CASP5: variants seen among roughly 807,000 people sequenced by gnomAD.
The protein encoded by CASP5 is caspase 5, also known as caspase-5.
CASP5 carries 42 observed loss-of-function variants against 45.2 expected under a neutral mutation model. The ratio of observed to expected loss-of-function variants is 0.93; its 90% CI spans 0.73 to 1.20. The LOEUF (loss-of-function observed/expected upper bound fraction) is 1.20. Ranked by LOEUF, CASP5 falls within the 50% of genes most tolerant of loss-of-function variation. CASP5 has a pLI of 0.00. For synonymous variants in CASP5, 209 were observed against 186.2 expected (o/e 1.12, Z -1.00); for missense variants, 512 against 532.2 (o/e 0.96, Z 0.37).
At chr11:105,014,396 T>C (rs563497275) in intron 1 of CASP5, among the ~76,000 whole-genome samples, 1 of 152,290 alleles carries the variant, frequency 6.6e-6, no homozygotes, top group South Asian at 2.1e-4. Flanking sequence ...AGCATAGTTT[T>C]TTACCTTTAA....
At chr11:105,010,342 A>G (rs1354299967) in intron 1 of CASP5, among the ~76,000 whole-genome samples, 6 of 145,046 alleles carry the variant, frequency 4.1e-5, no homozygotes, top group Admixed American at 4.1e-4. Flanking sequence ...TTATATCATG[A>G]GTAATTATCA....
chr11:105,020,710 A>T (rs1362123049), intron 1 of CASP5, among the ~76,000 whole-genome samples: 1 of 152,210 alleles, frequency 6.6e-6, no homozygotes, highest in Non-Finnish European at 1.5e-5. Flanking sequence ...AAGAATCAAT[A>T]TCGTGAAAAA....
At chr11:105,001,158 C>A (rs1212998304) in intron 5 of CASP5, among the ~76,000 whole-genome samples, 1 of 152,192 alleles carries the variant, frequency 6.6e-6, no homozygotes, top group Non-Finnish European at 1.5e-5. Context: ...CTCATGTTTC[C>A]TTTTTGCTTA....
rs766695928 is a variant in CASP5, at chr11:105,007,120, T to C, written c.396A>G (p.Thr132=). The change falls in exon 3 of 10, where the codon ACA becomes ACG. Residue 132 remains threonine, a synonymous_variant. Coordinates refer to ENST00000260315, the MANE Select transcript of CASP5 (RefSeq NM_004347.5). The part of the protein sequence containing the change: ...NRVAHQMFTQ[T]LLNMDQKITS... ...TGATCTTTTGGTCCATATTGAGAAG[T>C]GTTTGGGTAAACATTTGATGAGCCA... 1 of 1,613,754 alleles carries C rather than the reference T, an allele frequency of 6.2e-7. No homozygotes were observed. The highest frequency in any genetic ancestry group is 8.5e-7 in the Non-Finnish European group (1 of 1,179,700).
intron 3 of CASP5, among the ~76,000 whole-genome samples, chr11:105,006,445 T>G (rs1423276686): frequency 1.3e-5 from 2 of 152,232 alleles, no homozygotes; most frequent in African/African-American, 4.8e-5. Flanking sequence ...ACTTGGTGCA[T>G]GTTACTTCTT....
intron 5 of CASP5, 135 bp downstream of exon 5, chr11:105,001,893 C>T: frequency 1.4e-6 from 1 of 711,696 alleles, no homozygotes; most frequent in Non-Finnish European, 2.3e-6. Context: ...TGCATGTGCG[C>T]ATGTACACAC....
At chr11:104,996,160 A>G (rs45447701) in intron 8 of CASP5, among the ~76,000 whole-genome samples, 2,128 of 152,266 alleles carry the variant, frequency 0.014, 18 homozygotes, top group Non-Finnish European at 0.024. Flanking sequence ...TGAGAACTGG[A>G]TATGGAAGAT....
At chr11:105,011,663 A>T (rs539045395) in intron 1 of CASP5, among the ~76,000 whole-genome samples, 22 of 151,860 alleles carry the variant, frequency 1.4e-4, no homozygotes, top group African/African-American at 5.1e-4. Flanking sequence ...CAAACTAAAA[A>T]ATTGGATGAT....
chr11:105,000,365 G>A lies in CASP5; in HGVS notation c.848C>T (p.Pro283Leu), dbSNP rs747739557. Residue 283 changes from proline to leucine, a missense_variant, in exon 6 of 10, where the codon CCG becomes CTG. Transcript: ENST00000260315. ...GATGGTGTCATAAAGCAGCACATCCGGTTTTTTCTTTTTATGCGCAGTTCC... is the reference window on the plus strand; with the variant it reads ...GATGGTGTCATAAAGCAGCACATCCAGTTTTTTCTTTTTATGCGCAGTTCC... Reference protein sequence around the residue: ...ICGTAHKKKKPDVLLYDTIFQ... With the variant: ...ICGTAHKKKKLDVLLYDTIFQ... 2 of 1,614,116 alleles carry A rather than the reference G, an allele frequency of 1.2e-6. No homozygotes were observed. The highest frequency in any genetic ancestry group is 2.2e-5 in the East Asian group (1 of 44,890).
rs986426940 is a variant in CASP5 at position 105,014,795 on chromosome 11, G to A, written c.8-5815C>T. Among the ~76,000 whole-genome samples, 5 of 152,156 alleles carry A rather than the reference G, an allele frequency of 3.3e-5. 1 individual carries two copies. The highest frequency in any genetic ancestry group is 4.1e-4 in the South Asian group (2 of 4,826). On this transcript the variant is annotated intron_variant, in intron 1 of 9. Coordinates refer to ENST00000260315, the MANE Select transcript of CASP5 (RefSeq NM_004347.5). ...AAGCTTACAGTCAAGTGGAAAGATA[G>A]ATATGCAAATACATCAAATAAAAAA...
intron 1 of CASP5, among the ~76,000 whole-genome samples, chr11:105,017,376 T>A (rs1463992891): frequency 6.6e-6 from 1 of 152,070 alleles, no homozygotes; most frequent in Non-Finnish European, 1.5e-5. Flanking sequence ...GGGAGGACAT[T>A]CAACCAAAGG....
chr11:105,002,180 C>T lies in CASP5; in HGVS notation c.565G>A (p.Glu189Lys). The T allele has an allele frequency of 6.2e-7, 1 of 1,614,038 alleles. No homozygotes were observed. Residue 189 changes from glutamate to lysine, a missense_variant, in exon 5 of 10, where the codon GAG becomes AAG. Coordinates refer to ENST00000260315, the MANE Select transcript of CASP5 (RefSeq NM_004347.5). ...ATGAGAGCCAGGCGTCTGCGGTCCT[C>T]TCTCTTTTTTATTGGATAGATCTGC... Reference protein sequence around the residue: ...HDEIYPIKKREDRRRLALIIC... With the variant: ...HDEIYPIKKRKDRRRLALIIC...
At chr11:105,022,792 G>C (rs1055572675) in intron 1 of CASP5, among the ~76,000 whole-genome samples, 2 of 152,088 alleles carry the variant, frequency 1.3e-5, no homozygotes, top group African/African-American at 4.8e-5. Flanking sequence ...GGAATCAAGA[G>C]GAAGCAGAGA....
chr11:105,017,557 C>T lies in CASP5; in HGVS notation c.7+5573G>A, dbSNP rs376987805. On this transcript the variant is annotated intron_variant, in intron 1 of 9. Coordinates refer to ENST00000260315, the MANE Select transcript of CASP5 (RefSeq NM_004347.5). ...GATCAACTGGAAGAAAGGGTATCAGCGATGGAAGATGAAGTGAATGAAATG... is the reference window on the plus strand; with the variant it reads ...GATCAACTGGAAGAAAGGGTATCAGTGATGGAAGATGAAGTGAATGAAATG... Among the ~76,000 whole-genome samples the T allele has an allele frequency of 3.1e-4, 47 of 151,822 alleles. 1 individual carries two copies. The East Asian group carries it at 4.5e-3, about 14-fold the overall frequency.
At position 104,996,154 on chromosome 11, in the gene CASP5, A is replaced by G. The variant is rs74917895; in HGVS notation, c.1207-312T>C. Among the ~76,000 whole-genome samples the G allele has an allele frequency of 1.2e-4, 18 of 152,284 alleles. No individual in the cohort carries two copies. In the East Asian group the frequency reaches 3.3e-3, roughly 28 times the overall value. On this transcript the variant is annotated intron_variant, in intron 8 of 9. Transcript: ENST00000260315. ...ATATCCTTTGGGATATGCTCATGAGAACTGGATATGGAAGATTTAGTACTT... is the reference window on the plus strand; with the variant it reads ...ATATCCTTTGGGATATGCTCATGAGGACTGGATATGGAAGATTTAGTACTT...
At position 105,022,077 on chromosome 11, in the gene CASP5, G is replaced by T. The variant is rs368799614; in HGVS notation, c.7+1053C>A. 2.7e-5 allele frequency among the ~76,000 whole-genome samples: 4 copies of T among 149,408 alleles called. No homozygotes were observed. In the East Asian group the frequency reaches 8.0e-4, roughly 30 times the overall value. ...TCACAAGAACAAAAAACCAAACACC[G>T]CATATTCTCACTCATAGGTGGGAAC... On this transcript the variant is annotated intron_variant, in intron 1 of 9. Transcript: ENST00000260315.
chr11:105,008,970 GC>G lies in CASP5; in HGVS notation c.17del (p.Gly6AlafsTer25). The G allele has an allele frequency of 6.2e-7, 1 of 1,603,376 alleles. No homozygotes were observed. Among genetic ancestry groups the G allele is most frequent in the Non-Finnish European group, 8.5e-7 (1 of 1,174,438 alleles). ...CAAAATTCTTACGCCTTTTTTTTTTGCCACTGTCTTCTATCAGAAATATAAA... is the reference window on the plus strand; with the variant it reads ...CAAAATTCTTACGCCTTTTTTTTTTGCACTGTCTTCTATCAGAAATATAAA... Reference protein sequence around the residue: MAEDSGKKKRRKNFEA... With the variant: MAEDSXKKKRRKNFEA... On this transcript the variant is annotated frameshift_variant, in exon 2 of 10. Coordinates refer to ENST00000260315, the MANE Select transcript of CASP5 (RefSeq NM_004347.5). LOFTEE classifies it high-confidence loss of function.
chr11:105,007,471 A>C, intron 2 of CASP5, 137 bp from the exon 3 acceptor site: 1 of 840,388 alleles, frequency 1.2e-6, no homozygotes, highest in Non-Finnish European at 1.8e-6. Context: ...AATAACACAC[A>C]TCTTTTTTTG....
At chr11:105,020,582 T>C (rs2134771093) in intron 1 of CASP5, among the ~76,000 whole-genome samples, 1 of 149,272 alleles carries the variant, frequency 6.7e-6, no homozygotes, top group East Asian at 2.0e-4. Flanking sequence ...ATAAAATACC[T>C]AGGAATCCAA....
Sources: allele counts gnomAD v4.1 joint callset (sites outside exome capture counted in the v4.1 genomes callset), GRCh38; gene constraint gnomAD v4.1.1; transcripts MANE v1.5; gene names NCBI Gene and HGNC (gene_info 2026-07-23, HGNC 2026-07-21).